Variants in MYRIP observed in about 807,000 individuals in gnomAD.
The protein encoded by MYRIP is rab effector MyRIP.
In MYRIP, 49 loss-of-function variants were observed where a neutral mutation model predicts 98.0. The ratio of observed to expected loss-of-function variants is 0.50; its 90% CI spans 0.40 to 0.63. The LOEUF (loss-of-function observed/expected upper bound fraction) is 0.63. MYRIP is among the 30% of genes least tolerant of loss of function. The pLI is 0.00. For missense variants in MYRIP, 1,004 were observed against 1,058.2 expected (o/e 0.95, Z 0.71); for synonymous variants, 404 against 409.5 (o/e 0.99, Z 0.16).
At chr3:40,230,461 C>G (rs1302783503) in intron 11 of MYRIP, among the ~76,000 whole-genome samples, 1 of 152,232 alleles carries the variant, frequency 6.6e-6, no homozygotes, top group South Asian at 2.1e-4. Flanking sequence ...TCACTTTTCT[C>G]TAGACTGGAC....
intron 2 of MYRIP, among the ~76,000 whole-genome samples, chr3:39,927,444 T>G (rs1254046229): frequency 6.6e-6 from 1 of 151,912 alleles, no homozygotes; most frequent in Non-Finnish European, 1.5e-5. Flanking sequence ...TCTCTTCAGT[T>G]GATGTTGGAC....
chr3:40,250,189 T>G, intron 13 of MYRIP, 33 bp from the exon 14 acceptor site: 1 of 1,531,648 alleles, frequency 6.5e-7, no homozygotes, highest in Non-Finnish European at 9.0e-7. Flanking sequence ...CCGTATTTTC[T>G]CCCTGCCAAT....
At chr3:40,013,344 G>T (rs573258499) in intron 2 of MYRIP, among the ~76,000 whole-genome samples, 1 of 152,222 alleles carries the variant, frequency 6.6e-6, no homozygotes, top group Non-Finnish European at 1.5e-5. Flanking sequence ...CTGGAAGAAG[G>T]AAACCTTTTA....
At chr3:40,241,626 G>C (rs952401550) in intron 12 of MYRIP, among the ~76,000 whole-genome samples, 2 of 152,168 alleles carry the variant, frequency 1.3e-5, no homozygotes, top group Admixed American at 1.3e-4. Context: ...TTATTCTAGA[G>C]AATTTAATCA....
At chr3:40,242,704 T>A (rs2125711519) in intron 12 of MYRIP, among the ~76,000 whole-genome samples, 1 of 152,300 alleles carries the variant, frequency 6.6e-6, no homozygotes, top group African/African-American at 2.4e-5. Flanking sequence ...CCAAATGTTG[T>A]CTCATTGTGT....
At chr3:39,877,461 A>G (rs993652193) in intron 1 of MYRIP, among the ~76,000 whole-genome samples, 89 of 151,630 alleles carry the variant, frequency 5.9e-4, no homozygotes, top group Admixed American at 9.8e-4. Flanking sequence ...TTTTTTCCCC[A>G]TCTTTGTGGT....
At chr3:40,202,601 G>A (rs972511282) in intron 10 of MYRIP, among the ~76,000 whole-genome samples, 2 of 152,118 alleles carry the variant, frequency 1.3e-5, no homozygotes, top group African/African-American at 4.8e-5. Context: ...TTGTGGCTCT[G>A]CTGTTTTCCT....
At chr3:40,078,836 C>T (rs902116747) in intron 3 of MYRIP, among the ~76,000 whole-genome samples, 1 of 152,140 alleles carries the variant, frequency 6.6e-6, no homozygotes, top group Non-Finnish European at 1.5e-5. Flanking sequence ...ACAGACTGCC[C>T]GTTCTGCTGA....
At chr3:39,976,827 A>T (rs916281555) in intron 2 of MYRIP, among the ~76,000 whole-genome samples, 1 of 152,158 alleles carries the variant, frequency 6.6e-6, no homozygotes, top group African/African-American at 2.4e-5. Flanking sequence ...GTTCTCACTC[A>T]TAGGTAGAAA....
At chr3:40,011,687 A>C (rs1195545394) in intron 2 of MYRIP, among the ~76,000 whole-genome samples, 1 of 152,116 alleles carries the variant, frequency 6.6e-6, no homozygotes, top group African/African-American at 2.4e-5. Context: ...TTTTTGGTTT[A>C]ATGAACCAAT....
At chr3:40,044,671 C>T (rs191958795) in intron 3 of MYRIP, among the ~76,000 whole-genome samples, 1 of 152,264 alleles carries the variant, frequency 6.6e-6, no homozygotes, top group African/African-American at 2.4e-5. Flanking sequence ...GACTCAGAGG[C>T]ATAGCGGATG....
intron 3 of MYRIP, among the ~76,000 whole-genome samples, chr3:40,105,007 A>G (rs1234787951): frequency 6.6e-6 from 1 of 151,872 alleles, no homozygotes; most frequent in Non-Finnish European, 1.5e-5. Flanking sequence ...ACTGATTTTC[A>G]TGACAACATT....
At chr3:39,874,814 T>C (rs1027811371) in intron 1 of MYRIP, among the ~76,000 whole-genome samples, 2 of 152,184 alleles carry the variant, frequency 1.3e-5, no homozygotes, top group African/African-American at 2.4e-5. Flanking sequence ...TTTTTGGTTG[T>C]GTCTCTGCCC....
chr3:40,078,659 GCTC>G (rs1303521603), intron 3 of MYRIP, among the ~76,000 whole-genome samples: 1 of 152,142 alleles, frequency 6.6e-6, no homozygotes, highest in Non-Finnish European at 1.5e-5. Flanking sequence ...CCTCCTGCAG[GCTC>G]CTCAACTGCT....
intron 11 of MYRIP, among the ~76,000 whole-genome samples, chr3:40,228,378 A>G (rs1273775344): frequency 6.6e-6 from 1 of 152,172 alleles, no homozygotes; most frequent in Non-Finnish European, 1.5e-5. Context: ...GCAAAGATTC[A>G]TTTTTTTCTT....
intron 3 of MYRIP, among the ~76,000 whole-genome samples, chr3:40,135,863 C>T (rs1026539178): frequency 5.3e-4 from 80 of 152,240 alleles, no homozygotes; most frequent in Non-Finnish European, 7.5e-4. Flanking sequence ...AGGCCTGCCC[C>T]AAAAGAGCTC....
chr3:40,057,760 T>A (rs1310756296), intron 3 of MYRIP, among the ~76,000 whole-genome samples: 1 of 152,250 alleles, frequency 6.6e-6, no homozygotes, highest in Non-Finnish European at 1.5e-5. Context: ...GGGATGGGGC[T>A]TTGCTTTCTT....
intron 2 of MYRIP, among the ~76,000 whole-genome samples, chr3:39,977,827 C>G (rs1474505956): frequency 6.6e-6 from 1 of 152,146 alleles, no homozygotes; most frequent in Non-Finnish European, 1.5e-5. Flanking sequence ...TATTTCTCTG[C>G]TTTTCCTGAG....
At chr3:40,252,964 T>TAATC (rs1302028531) in intron 16 of MYRIP, among the ~76,000 whole-genome samples, 5 of 152,234 alleles carry the variant, frequency 3.3e-5, no homozygotes, top group African/African-American at 1.2e-4. Flanking sequence ...TCTTAAATTC[T>TAATC]AATCAGTCTA....
Sources: allele counts gnomAD v4.1 joint callset (sites outside exome capture counted in the v4.1 genomes callset), GRCh38; gene constraint gnomAD v4.1.1; transcripts MANE v1.5; gene names NCBI Gene and HGNC (gene_info 2026-07-23, HGNC 2026-07-21).